The following ETNPPL variants were observed in gnomAD, a reference collection of about 807,000 sequenced individuals.
ETNPPL encodes the protein alanine--glyoxylate aminotransferase 2-like 1.
In ETNPPL, 30 loss-of-function variants were observed where a neutral mutation model predicts 55.5. The ratio of observed to expected loss-of-function variants is 0.54; its 90% CI spans 0.40 to 0.73. ETNPPL has a LOEUF of 0.73. Among genes scored for constraint, ETNPPL ranks in the 30% least tolerant of loss-of-function variants. ETNPPL has a pLI of 0.00. For missense variants in ETNPPL, 528 were observed against 607.9 expected (o/e 0.87, Z 1.38); for synonymous variants, 202 against 207.2 (o/e 0.98, Z 0.21).
chr4:108,760,611 TC>T (rs1336689140), intron 1 of ETNPPL, among the ~76,000 whole-genome samples: 2 of 152,230 alleles, frequency 1.3e-5, no homozygotes, highest in Non-Finnish European at 2.9e-5. Context: ...TAACTAATTT[TC>T]CTTTGAGAAA....
rs1728591153 is a variant in ETNPPL, at chr4:108,747,161, A to AG, written c.1083-311_1083-310insC. Among the ~76,000 whole-genome samples the AG allele has an allele frequency of 1.2e-3, 19 of 15,844 alleles. 4 individuals are homozygous for AG. Among genetic ancestry groups the AG allele is most frequent in the African/African-American group, 8.7e-3 (18 of 2,068 alleles). The allele number at this position is 15,844 out of a possible 152,430, so 10.4% of individuals were successfully genotyped here. A position where few individuals can be genotyped will look rare whatever the true frequency, so the allele number is the denominator to read the frequency against. ...ATATATATATATAATATATATATAT[A>AG]TATTATATATATATATATAATATAT... On this transcript the variant is annotated intron_variant, in intron 9 of 12. Coordinates refer to ENST00000296486, the MANE Select transcript of ETNPPL (RefSeq NM_031279.4).
intron 4 of ETNPPL, among the ~76,000 whole-genome samples, chr4:108,755,432 G>A (rs980846487): frequency 2.0e-5 from 3 of 152,174 alleles, no homozygotes; most frequent in African/African-American, 7.2e-5. Flanking sequence ...AAGCAATTGG[G>A]AAGGGCATGA....
intron 1 of ETNPPL, among the ~76,000 whole-genome samples, chr4:108,761,699 C>T (rs1729514097): frequency 6.6e-6 from 1 of 152,210 alleles, no homozygotes; most frequent in Non-Finnish European, 1.5e-5. Context: ...TGAAAACTAA[C>T]GCAGTGAGTG....
intron 1 of ETNPPL, 140 bp downstream of exon 1, chr4:108,762,703 G>T (rs973406073): frequency 4.6e-6 from 5 of 1,079,308 alleles, no homozygotes; most frequent in Non-Finnish European, 7.2e-6. Flanking sequence ...GTGGAGGCGC[G>T]CGGGGCGCGT....
intron 11 of ETNPPL, among the ~76,000 whole-genome samples, chr4:108,744,715 A>ATTTT (rs530380404): frequency 1.7e-5 from 2 of 121,184 alleles, no homozygotes; most frequent in Non-Finnish European, 1.7e-5. Flanking sequence ...AGAAGTTGAA[A>ATTTT]TTTTTTTTTT....
chr4:108,753,780 G>T (rs182186600), intron 5 of ETNPPL, among the ~76,000 whole-genome samples: 9,227 of 121,458 alleles, frequency 0.076, 898 homozygotes, highest in East Asian at 0.48. Context: ...AAGAAAGAAA[G>T]AAAGAAAGAA....
intron 7 of ETNPPL, among the ~76,000 whole-genome samples, chr4:108,749,852 C>T (rs981250076): frequency 2.6e-5 from 4 of 152,080 alleles, no homozygotes; most frequent in Non-Finnish European, 4.4e-5. Flanking sequence ...GAACTACAAA[C>T]GTGTGCCACC....
At chr4:108,743,538 G>A (rs1728318660) in intron 12 of ETNPPL, among the ~76,000 whole-genome samples, 1 of 152,142 alleles carries the variant, frequency 6.6e-6, no homozygotes, top group Admixed American at 6.5e-5. Flanking sequence ...CCTCTTTGCA[G>A]GCCCACAAGG....
Position 108,746,548 on chromosome 4 carries a change from A to T in ETNPPL, c.1173-19T>A. The T allele has an allele frequency of 6.2e-7, 1 of 1,610,554 alleles. No individual in the cohort carries two copies. Among genetic ancestry groups the T allele is most frequent in the Non-Finnish European group, 8.5e-7 (1 of 1,179,070 alleles). ...TTTCATCCTAATTTGTGTAGGAAATACATGTGAGTGTATGCAAAGGATAAC... is the reference window on the plus strand; with the variant it reads ...TTTCATCCTAATTTGTGTAGGAAATTCATGTGAGTGTATGCAAAGGATAAC... On this transcript the variant is annotated intron_variant, in intron 10 of 12. Coordinates refer to ENST00000296486, the MANE Select transcript of ETNPPL (RefSeq NM_031279.4).
At position 108,749,304 on chromosome 4, in the gene ETNPPL, T is replaced by C. The variant is rs148067120; in HGVS notation, c.861A>G (p.Ala287=). The C allele has an allele frequency of 3.0e-5, 49 of 1,614,038 alleles. No individual in the cohort carries two copies. The African/African-American group carries it at 6.0e-4, about 20-fold the overall frequency. Residue 287 remains alanine, a synonymous_variant, in exon 8 of 13, where the codon GCA becomes GCG. Coordinates refer to ENST00000296486, the MANE Select transcript of ETNPPL (RefSeq NM_031279.4). The part of the protein sequence containing the change: ...GKPMGNGHPV[A]CVVTTKEIAE... ...CAATTTCTTTGGTTGTTACCACACA[T>C]GCCACCGGGTGGCCGTTGCCCATCG...
At chr4:108,758,158 A>AT (rs1729315598) in intron 3 of ETNPPL, among the ~76,000 whole-genome samples, 1 of 151,614 alleles carries the variant, frequency 6.6e-6, no homozygotes, top group African/African-American at 2.4e-5. Flanking sequence ...CGTGCAGCTA[A>AT]TTTTTGTATT....
chr4:108,753,824 GA>G (rs1287923865), intron 5 of ETNPPL, among the ~76,000 whole-genome samples: 5 of 145,480 alleles, frequency 3.4e-5, no homozygotes, highest in African/African-American at 5.0e-5. Flanking sequence ...GAAAAGAAAA[GA>G]AAAAAAGAAA....
At chr4:108,743,447 G>A (rs1210575630) in intron 12 of ETNPPL, among the ~76,000 whole-genome samples, 1 of 152,166 alleles carries the variant, frequency 6.6e-6, no homozygotes, top group Admixed American at 6.5e-5. Flanking sequence ...TGTGAGAATC[G>A]GAGGCAGTGT....
intron 3 of ETNPPL, among the ~76,000 whole-genome samples, chr4:108,759,400 CAAAAAAA>C (rs59227589): frequency 1.1e-4 from 8 of 70,292 alleles, no homozygotes; most frequent in African/African-American, 2.4e-4. Flanking sequence ...GGCTCCATCT[CAAAAAAA>C]AAAAAAAAAA....
At chr4:108,756,577 CTG>C (rs1266396402) in intron 3 of ETNPPL, 85 bp from the exon 4 acceptor site, 22 of 1,030,636 alleles carry the variant, frequency 2.1e-5, no homozygotes, top group Non-Finnish European at 3.2e-5. Context: ...TAGCTCACGC[CTG>C]TAATCCTAGC....
intron 11 of ETNPPL, among the ~76,000 whole-genome samples, chr4:108,745,780 A>G (rs1006273392): frequency 4.6e-5 from 7 of 151,038 alleles, no homozygotes; most frequent in Non-Finnish European, 7.4e-5. Context: ...AAAATGCAGA[A>G]ATTAGCCCGG....
chr4:108,754,076 C>A (rs1209617609), intron 5 of ETNPPL, among the ~76,000 whole-genome samples: 2 of 150,460 alleles, frequency 1.3e-5, no homozygotes, highest in Non-Finnish European at 2.9e-5. Context: ...CAGGTTCAAG[C>A]GATTCTCCTG....
intron 11 of ETNPPL, among the ~76,000 whole-genome samples, chr4:108,745,678 C>T (rs1180102729): frequency 6.6e-6 from 1 of 151,568 alleles, no homozygotes; most frequent in African/African-American, 2.4e-5. Context: ...CGTCTATAAT[C>T]CTAGCACTTT....
chr4:108,758,788 C>T (rs183289537), intron 3 of ETNPPL, among the ~76,000 whole-genome samples: 2 of 152,320 alleles, frequency 1.3e-5, no homozygotes, highest in South Asian at 2.1e-4. Context: ...CACGGTTGCT[C>T]ATGCTTGCAA....
Sources: allele counts gnomAD v4.1 joint callset (sites outside exome capture counted in the v4.1 genomes callset), GRCh38; gene constraint gnomAD v4.1.1; transcripts MANE v1.5; gene names NCBI Gene and HGNC (gene_info 2026-07-23, HGNC 2026-07-21).